CHD1L: variants seen among roughly 807,000 people sequenced by gnomAD.
The protein encoded by CHD1L is ATP-dependent chromatin remodeler CHD1L.
In CHD1L, 118 loss-of-function variants were observed where a neutral mutation model predicts 115.9. The ratio of observed to expected loss-of-function variants is 1.02; its 90% CI spans 0.88 to 1.19. The LOEUF is 1.19. Ranked by LOEUF, CHD1L falls within the 50% of genes most tolerant of loss-of-function variation. The probability of loss-of-function intolerance (pLI) is 0.00; values close to 1 mark genes in which losing one functional copy is unlikely to be tolerated. For synonymous variants in CHD1L, 411 were observed against 387.1 expected (o/e 1.06, Z -0.72); for missense variants, 1,179 against 1,065.3 (o/e 1.11, Z -1.49).
At chr1:147,215,453 G>A in the CHD1L span, 1 of 284,318 alleles carries the variant, frequency 3.5e-6, no homozygotes, top group Admixed American at 4.9e-5. Context: ...GTTCCCTTCT[G>A]TAATGGGGAA....
intron 20 of CHD1L, among the ~76,000 whole-genome samples, chr1:147,292,082 C>T (rs1313613277): frequency 6.6e-6 from 1 of 152,166 alleles, no homozygotes; most frequent in Non-Finnish European, 1.5e-5. Context: ...CCATCTGTCC[C>T]CGGAGCACCG....
At chr1:147,245,350 G>T (rs1335601820) in intron 1 of CHD1L, among the ~76,000 whole-genome samples, 1 of 152,196 alleles carries the variant, frequency 6.6e-6, no homozygotes, top group Non-Finnish European at 1.5e-5. Flanking sequence ...CTGTGGGAGG[G>T]TACAGAGCAT....
At chr1:147,282,696 C>T (rs1681395831) in intron 15 of CHD1L, among the ~76,000 whole-genome samples, 1 of 152,192 alleles carries the variant, frequency 6.6e-6, no homozygotes, top group Non-Finnish European at 1.5e-5. Context: ...TAAGTAGCAA[C>T]ACACTCAGTT....
the CHD1L span, among the ~76,000 whole-genome samples, chr1:147,199,618 G>T: frequency 1.3e-5 from 2 of 152,232 alleles, no homozygotes; most frequent in East Asian, 3.9e-4. Flanking sequence ...AAGATGCTGT[G>T]GCCTGTTTTA....
At chr1:147,201,644 C>A in the CHD1L span, 17 of 640,150 alleles carry the variant, frequency 2.7e-5, no homozygotes, top group Non-Finnish European at 4.4e-5. Flanking sequence ...TGGAAAAGGT[C>A]TAATTTATAC....
chr1:147,270,519 TTC>T (rs1675755539), intron 10 of CHD1L, among the ~76,000 whole-genome samples: 107 of 2,520 alleles, frequency 0.042, no homozygotes, highest in Non-Finnish European at 0.073. Flanking sequence ...AGTTTTTCTT[TTC>T]TTTTTTTTTG....
At chr1:147,233,657 G>A in the CHD1L span, among the ~76,000 whole-genome samples, 4 of 152,328 alleles carry the variant, frequency 2.6e-5, no homozygotes, top group South Asian at 8.3e-4. Context: ...TAGAAAGGGG[G>A]GAAAGGTGGG....
the CHD1L span, among the ~76,000 whole-genome samples, chr1:147,206,905 C>T: frequency 2.0e-5 from 3 of 151,766 alleles, no homozygotes; most frequent in African/African-American, 7.3e-5. Flanking sequence ...GCACGTTGTG[C>T]ACATGTACCC....
At chr1:147,238,495 T>G (rs587670316), upstream of CHD1L, among the ~76,000 whole-genome samples, 39 of 152,348 alleles carry the variant, frequency 2.6e-4, no homozygotes, top group Admixed American at 1.6e-3. Context: ...CTTATGGAGT[T>G]GCTGTTGCCA....
At chr1:147,239,018 A>G (rs1429451856), upstream of CHD1L, among the ~76,000 whole-genome samples, 1 of 152,182 alleles carries the variant, frequency 6.6e-6, no homozygotes, top group African/African-American at 2.4e-5. Flanking sequence ...TACTGTGGCG[A>G]GCAATATCCG....
At chr1:147,284,221 T>A (rs1553963639) in intron 15 of CHD1L, 130 bp from the exon 16 acceptor site, 4 of 650,198 alleles carry the variant, frequency 6.2e-6, no homozygotes, top group Non-Finnish European at 1.0e-5. Flanking sequence ...TGAAATACCT[T>A]CCTTCATATG....
intron 13 of CHD1L, 38 bp from the exon 14 acceptor site, chr1:147,276,066 C>G (rs1553957505): frequency 6.2e-7 from 1 of 1,609,658 alleles, no homozygotes; most frequent in East Asian, 2.2e-5. Flanking sequence ...GCTTTGCACA[C>G]CCTTATAGCA....
At chr1:147,288,419 C>T (rs1321232525) in intron 19 of CHD1L, among the ~76,000 whole-genome samples, 2 of 150,544 alleles carry the variant, frequency 1.3e-5, no homozygotes, top group Admixed American at 6.6e-5. Flanking sequence ...GGAAGCCGGG[C>T]GTGGTGGCTC....
chr1:147,178,240 G>A, the CHD1L span: 2 of 1,613,582 alleles, frequency 1.2e-6, no homozygotes, highest in Non-Finnish European at 1.7e-6. Flanking sequence ...CTCCGACACG[G>A]GCTCTGCGGG....
chr1:147,176,444 T>G, the CHD1L span: 2 of 152,210 alleles, frequency 1.3e-5, no homozygotes, highest in Admixed American at 1.3e-4. Context: ...ATAAATGAGG[T>G]GCAGGTTAAA....
the CHD1L span, chr1:147,210,702 G>A: frequency 1.3e-5 from 2 of 152,052 alleles, no homozygotes; most frequent in East Asian, 3.9e-4. Context: ...ATATCACAAG[G>A]CTGTTGTGAT....
chr1:147,206,516 A>G, the CHD1L span, among the ~76,000 whole-genome samples: 1 of 152,238 alleles, frequency 6.6e-6, no homozygotes, highest in African/African-American at 2.4e-5. Context: ...ACCAACCCAA[A>G]TGTCCAACAA....
the CHD1L span, chr1:147,184,182 T>G: frequency 5.8e-6 from 1 of 171,548 alleles, no homozygotes; most frequent in African/African-American, 2.4e-5. This position sits in a 1 kb window ranked among gnomAD's most constrained non-coding sequence, Gnocchi z 4.4. Context: ...TGCCAGACCA[T>G]AGCTCTGGGT....
the CHD1L span, chr1:147,204,766 A>G: frequency 1.3e-6 from 2 of 1,558,884 alleles, no homozygotes; most frequent in Non-Finnish European, 1.8e-6. Context: ...GTGGTTGATA[A>G]CCATTTTTTT....
Sources: allele counts gnomAD v4.1 joint callset (sites outside exome capture counted in the v4.1 genomes callset), GRCh38; gene constraint gnomAD v4.1.1; non-coding constraint Gnocchi (gnomAD v3.1); transcripts MANE v1.5; gene names NCBI Gene and HGNC (gene_info 2026-07-23, HGNC 2026-07-21).